The following ROBO1 variants were observed in gnomAD, a reference collection of about 807,000 sequenced individuals.
The protein encoded by ROBO1 is roundabout homolog 1.
ROBO1 carries 149 observed loss-of-function variants against 195.9 expected under a neutral mutation model. The ratio of observed to expected loss-of-function variants is 0.76; its 90% CI spans 0.67 to 0.87. The LOEUF (loss-of-function observed/expected upper bound fraction) is 0.87. ROBO1 is among the 40% of genes least tolerant of loss of function. The pLI is 0.00. For missense variants in ROBO1, 1,933 were observed against 2,068.3 expected, an observed-to-expected ratio of 0.93 and a Z score of 1.27; for synonymous variants, 816 against 733.2, an observed-to-expected ratio of 1.11 and a Z score of -1.82.
At chr3:79,089,885 G>A (rs750823558) in intron 3 of ROBO1, among the ~76,000 whole-genome samples, 1 of 150,978 alleles carries the variant, frequency 6.6e-6, no homozygotes, top group Non-Finnish European at 1.5e-5. Context: ...ATTTACGACA[G>A]TTGTTTGCAT....
In ROBO1 at chr3:79,196,454, G is replaced by C. The variant is rs372505751; in HGVS notation, c.89-70915C>G. Among the ~76,000 whole-genome samples, 12 of 151,568 alleles carry C rather than the reference G, an allele frequency of 7.9e-5. No individual in the cohort carries two copies. In the East Asian group the frequency reaches 2.3e-3, roughly 29 times the overall value. ...AAAGAGCATGGAAACAAAAGAGCGA[G>C]TGATTGAGAATAAAAACATTTTCAC... On this transcript the variant is annotated intron_variant, in intron 2 of 30. Transcript: ENST00000464233.
At chr3:79,212,838 TAAATAAAATAAAATA>T (rs371670959) in intron 2 of ROBO1, among the ~76,000 whole-genome samples, 9 of 150,012 alleles carry the variant, frequency 6.0e-5, no homozygotes, top group African/African-American at 1.7e-4. Flanking sequence ...TAAAATAAAA[TAAATAAAATAAAATA>T]AAATAAAATA....
chr3:79,165,237 T>C (rs1236507378), intron 2 of ROBO1, among the ~76,000 whole-genome samples: 1 of 152,234 alleles, frequency 6.6e-6, no homozygotes, highest in Non-Finnish European at 1.5e-5. Context: ...AGAGTCAGCA[T>C]GTTTTGATCA....
At chr3:78,757,045 C>T (rs1402374604) in intron 4 of ROBO1, among the ~76,000 whole-genome samples, 1 of 152,154 alleles carries the variant, frequency 6.6e-6, no homozygotes, top group Non-Finnish European at 1.5e-5. Context: ...GCAAGCACCA[C>T]CATGCCCAGC....
chr3:78,746,024 T>TA (rs1319185847), intron 5 of ROBO1, among the ~76,000 whole-genome samples: 3 of 152,138 alleles, frequency 2.0e-5, no homozygotes, highest in Non-Finnish European at 4.4e-5. Context: ...AAGAGAATCG[T>TA]AAAGGGAAAT....
chr3:79,692,739 T>C (rs1052704079), intron 1 of ROBO1, among the ~76,000 whole-genome samples: 1 of 151,806 alleles, frequency 6.6e-6, no homozygotes, highest in Non-Finnish European at 1.5e-5. Flanking sequence ...TCAAGATATA[T>C]ATTGTATATC....
rs565147879 is a variant in ROBO1, at chr3:78,922,605, C to CTTTT, written c.499+15992_499+15995dup. 1.8e-3 allele frequency among the ~76,000 whole-genome samples: 226 copies of CTTTT among 123,140 alleles called. 1 individual carries two copies. Among genetic ancestry groups the CTTTT allele is most frequent in the African/African-American group, 5.0e-3 (159 of 31,852 alleles). 80.8% of individuals were successfully genotyped at this position (123,140 alleles called of 152,430 possible). The stretch of plus-strand genomic sequence containing the variant: ...TTTTCTTCTTCTCCTTCTTCTTCTT[C>CTTTT]TTTTTTTTTTTTTTTTTTGACAGAG... On this transcript the variant is annotated intron_variant, in intron 4 of 30. Coordinates refer to ENST00000464233, the MANE Select transcript of ROBO1 (RefSeq NM_002941.4).
rs570096319 is a variant in ROBO1, at chr3:78,936,145, C to T, written c.499+2456G>A. Among the ~76,000 whole-genome samples, 7 of 151,858 alleles carry T rather than the reference C, an allele frequency of 4.6e-5. No homozygotes were observed. The East Asian group carries it at 1.4e-3, about 29-fold the overall frequency. ...CTTCAACTTAAATAAATATTTAAGGCACAATAGACAAAAATATTATTTCTA... is the reference window on the plus strand; with the variant it reads ...CTTCAACTTAAATAAATATTTAAGGTACAATAGACAAAAATATTATTTCTA... On this transcript the variant is annotated intron_variant, in intron 4 of 30. Coordinates refer to ENST00000464233, the MANE Select transcript of ROBO1 (RefSeq NM_002941.4).
At chr3:79,397,947 A>G (rs898977711) in intron 2 of ROBO1, among the ~76,000 whole-genome samples, 10 of 152,186 alleles carry the variant, frequency 6.6e-5, no homozygotes, top group Non-Finnish European at 1.3e-4. Context: ...TGAGCACTTA[A>G]GAAAAAATTT....
intron 2 of ROBO1, among the ~76,000 whole-genome samples, chr3:79,288,180 C>G (rs899727104): frequency 6.6e-6 from 1 of 152,094 alleles, no homozygotes; most frequent in Non-Finnish European, 1.5e-5. Flanking sequence ...ACACCATTTC[C>G]TTTTCTTAGT....
chr3:79,106,140 T>A, intron 3 of ROBO1, among the ~76,000 whole-genome samples: 1 of 151,772 alleles, frequency 6.6e-6, no homozygotes, highest in East Asian at 1.9e-4. Context: ...AACAATGATT[T>A]CTTTTTAAAC....
chr3:78,771,602 C>T (rs749195254), intron 4 of ROBO1, among the ~76,000 whole-genome samples: 3 of 151,982 alleles, frequency 2.0e-5, no homozygotes, highest in Admixed American at 6.6e-5. Flanking sequence ...CCTTGTTGAA[C>T]TCTTTCATCT....
At chr3:79,172,580 A>G (rs961429268) in intron 2 of ROBO1, among the ~76,000 whole-genome samples, 1 of 152,188 alleles carries the variant, frequency 6.6e-6, no homozygotes, top group Non-Finnish European at 1.5e-5. Flanking sequence ...TAGAAACTTT[A>G]CATAAAGTTG....
chr3:78,965,730 T>C (rs1481091954), intron 3 of ROBO1, among the ~76,000 whole-genome samples: 1 of 152,200 alleles, frequency 6.6e-6, no homozygotes, highest in South Asian at 2.1e-4. Context: ...TAGTATTTAA[T>C]AAGAATAACT....
At chr3:79,571,404 G>A (rs548736411) in intron 2 of ROBO1, among the ~76,000 whole-genome samples, 1 of 152,060 alleles carries the variant, frequency 6.6e-6, no homozygotes, top group South Asian at 2.1e-4. Context: ...AGCGTATATG[G>A]GAAGTTAAAG....
intron 4 of ROBO1, among the ~76,000 whole-genome samples, chr3:78,764,334 A>C (rs2083177269): frequency 6.6e-6 from 1 of 152,312 alleles, no homozygotes; most frequent in South Asian, 2.1e-4. Flanking sequence ...ATACTGTAAT[A>C]ACCCAAATAG....
intron 19 of ROBO1, among the ~76,000 whole-genome samples, chr3:78,648,579 G>T (rs977052718): frequency 6.6e-6 from 1 of 151,790 alleles, no homozygotes; most frequent in Non-Finnish European, 1.5e-5. Flanking sequence ...ATTCCTGGGG[G>T]GTTGGATAAC....
intron 2 of ROBO1, among the ~76,000 whole-genome samples, chr3:79,251,782 C>T (rs963196164): frequency 1.3e-5 from 2 of 151,658 alleles, no homozygotes; most frequent in African/African-American, 4.8e-5. Context: ...AACAAACAAA[C>T]AAACAACCAA....
At chr3:79,254,264 A>G (rs1211802976) in intron 2 of ROBO1, among the ~76,000 whole-genome samples, 1 of 152,180 alleles carries the variant, frequency 6.6e-6, no homozygotes, top group Non-Finnish European at 1.5e-5. Flanking sequence ...TATGCATGCT[A>G]TAACTCCATT....
Sources: allele counts gnomAD v4.1 joint callset (sites outside exome capture counted in the v4.1 genomes callset), GRCh38; gene constraint gnomAD v4.1.1; transcripts MANE v1.5; gene names NCBI Gene and HGNC (gene_info 2026-07-23, HGNC 2026-07-21).